Variants in WASHC5 observed in about 807,000 individuals in gnomAD.
WASHC5 encodes the protein WASH complex subunit strumpellin.
WASHC5 carries 101 observed loss-of-function variants against 150.4 expected under a neutral mutation model. The ratio of observed to expected loss-of-function variants is 0.67; its 90% CI spans 0.57 to 0.79. The LOEUF (loss-of-function observed/expected upper bound fraction) is 0.79. WASHC5 is among the 30% of genes least tolerant of loss of function. The pLI is 0.00. For synonymous variants in WASHC5, 467 were observed against 491.2 expected (o/e 0.95, Z 0.65); for missense variants, 1,195 against 1,396.3 (o/e 0.86, Z 2.30).
At chr8:125,036,429 T>C (rs1815708259) in intron 26 of WASHC5, among the ~76,000 whole-genome samples, 1 of 152,210 alleles carries the variant, frequency 6.6e-6, no homozygotes. Flanking sequence ...CTCAGCCCTT[T>C]AGTTGCCGAG....
At chr8:125,029,229 C>T (rs1815459583) in intron 27 of WASHC5, among the ~76,000 whole-genome samples, 1 of 152,210 alleles carries the variant, frequency 6.6e-6, no homozygotes, top group South Asian at 2.1e-4. Context: ...GACGGGGTTT[C>T]ACCATGTTGG....
chr8:125,074,966 T>G (rs986826753), intron 8 of WASHC5, 32 bp downstream of exon 8: 2 of 1,267,982 alleles, frequency 1.6e-6, no homozygotes, highest in Admixed American at 1.7e-5. Flanking sequence ...AGGCCTGCAG[T>G]TATCAGAGAA....
rs201948254 is a variant in WASHC5, at chr8:125,050,572, G to A, written c.2191C>T (p.Arg731Ter). The change falls in exon 18 of 29, where the codon CGA (arginine) becomes TGA (stop). Residue 731 changes from arginine (R) to a stop codon, truncating the protein, a stop_gained. Transcript: ENST00000318410. LOFTEE classifies it high-confidence loss of function. The stretch of plus-strand genomic sequence containing the variant: ...CTCTGGTCACTGGGTACCTTGGCTC[G>A]AGGGTTGAATATCAGTCCCCTATGC... ...ALHRGLIFNP[R>*]AKPSELMPKL... 6.8e-6 allele frequency: 11 copies of A among 1,613,456 alleles called. No homozygotes were observed. The highest frequency in any genetic ancestry group is 9.3e-6 in the Non-Finnish European group (11 of 1,179,382).
At chr8:125,060,485 CAA>C (rs58207257) in intron 12 of WASHC5, among the ~76,000 whole-genome samples, 51 of 130,212 alleles carry the variant, frequency 3.9e-4, no homozygotes, top group Admixed American at 8.2e-4. Context: ...GATTCCGTCT[CAA>C]AAAAAAAAAA....
chr8:125,064,507 C>T (rs544173026), intron 10 of WASHC5, among the ~76,000 whole-genome samples: 1 of 151,914 alleles, frequency 6.6e-6, no homozygotes, highest in Non-Finnish European at 1.5e-5. Context: ...TAGGCATGAG[C>T]CACTGTACCG....
intron 1 of WASHC5, among the ~76,000 whole-genome samples, chr8:125,085,419 A>C (rs889369965): frequency 6.6e-6 from 1 of 152,212 alleles, no homozygotes; most frequent in African/African-American, 2.4e-5. Context: ...TGAAATCCAA[A>C]GGGCAGACAC....
chr8:125,067,392 T>C (rs1816773478), intron 10 of WASHC5, among the ~76,000 whole-genome samples, 200 bp downstream of exon 10: 1 of 152,164 alleles, frequency 6.6e-6, no homozygotes, highest in African/African-American at 2.4e-5. Flanking sequence ...CCTTTCCCCA[T>C]CACTGTATCC....
In WASHC5 at chr8:125,055,654, A is replaced by T; in HGVS notation, c.2034T>A (p.His678Gln). Residue 678 changes from histidine (H) to glutamine (Q), a missense_variant, in exon 17 of 29, where the codon CAT (histidine) becomes CAA (glutamine). His to Gln is a conservative substitution (Grantham distance 24, BLOSUM62 0). Around this residue, in one of 3 missense-constraint regions of WASHC5, gnomAD observed 997 missense variants for 1,168.1 expected, o/e 0.85. Transcript: ENST00000318410. Reference protein sequence around the residue: ...GPRYEVAKLTHAISIFTEGIL... With the variant: ...GPRYEVAKLTQAISIFTEGIL... ...TGCCTTCAGTAAAAATGGAAATAGCATGAGTAAGCTTGGCAACCTATAACA... is the reference window on the plus strand; with the variant it reads ...TGCCTTCAGTAAAAATGGAAATAGCTTGAGTAAGCTTGGCAACCTATAACA... The T allele has an allele frequency of 6.2e-7, 1 of 1,610,870 alleles. No individual in the cohort carries two copies. The highest frequency in any genetic ancestry group is 8.5e-7 in the Non-Finnish European group (1 of 1,177,022).
chr8:125,047,200 C>T lies in WASHC5; in HGVS notation c.2504+7G>A. ...TTCAGGGCTCTGTAGAATTCAGGTA[C>T]ACCTACTTTGGGTCTGTGATCCGCA... is the stretch of plus-strand genomic sequence containing the variant. On this transcript the variant is annotated splice_region_variant and intron_variant, in intron 20 of 28. Coordinates refer to ENST00000318410, the MANE Select transcript of WASHC5 (RefSeq NM_014846.4). 6.2e-7 allele frequency: 1 copy of T among 1,613,922 alleles called. No individual in the cohort carries two copies. Among genetic ancestry groups the T allele is most frequent in the Non-Finnish European group, 8.5e-7 (1 of 1,179,854 alleles).
chr8:125,078,402 G>T (rs1424370630), intron 6 of WASHC5, among the ~76,000 whole-genome samples: 1 of 152,192 alleles, frequency 6.6e-6, no homozygotes, highest in African/African-American at 2.4e-5. Flanking sequence ...AGTAGGGGCA[G>T]GGACATGGCC....
At chr8:125,086,183 T>C (rs954973317) in intron 1 of WASHC5, among the ~76,000 whole-genome samples, 3 of 152,176 alleles carry the variant, frequency 2.0e-5, no homozygotes, top group Non-Finnish European at 4.4e-5. Context: ...ATTTATTTTG[T>C]CACAATTCTG....
At chr8:125,055,149 C>T (rs1428650607) in intron 17 of WASHC5, among the ~76,000 whole-genome samples, 2 of 152,182 alleles carry the variant, frequency 1.3e-5, no homozygotes, top group Admixed American at 6.5e-5. Context: ...ACGGGCTGGG[C>T]ACCGTGGCTC....
chr8:125,087,032 C>T (rs535490724), intron 1 of WASHC5, among the ~76,000 whole-genome samples: 54 of 152,288 alleles, frequency 3.5e-4, no homozygotes, highest in African/African-American at 1.2e-3. Context: ...TTCCCAATTC[C>T]TAATGCACAG....
At chr8:125,043,713 G>T in intron 23 of WASHC5, 112 bp downstream of exon 23, 1 of 738,990 alleles carries the variant, frequency 1.4e-6, no homozygotes, top group South Asian at 1.6e-5. Flanking sequence ...AAATATTTTT[G>T]ATTTAATGAC....
intron 19 of WASHC5, among the ~76,000 whole-genome samples, chr8:125,048,499 T>C (rs1816142152): frequency 6.6e-6 from 1 of 152,246 alleles, no homozygotes; most frequent in African/African-American, 2.4e-5. Context: ...GATACCTTCA[T>C]GTGCACTAGG....
chr8:125,058,678 G>C (rs915804924), intron 14 of WASHC5, among the ~76,000 whole-genome samples: 6 of 151,990 alleles, frequency 3.9e-5, no homozygotes, highest in African/African-American at 1.4e-4. Context: ...AACCCGGGAG[G>C]AGGAGCTGCA....
chr8:125,050,453 A>T, intron 18 of WASHC5, 111 bp downstream of exon 18: 1 of 665,308 alleles, frequency 1.5e-6, no homozygotes, highest in South Asian at 1.8e-5. Flanking sequence ...CATATTTGAT[A>T]TACGTTAGCT....
intron 11 of WASHC5, among the ~76,000 whole-genome samples, chr8:125,062,794 C>A (rs1038312961): frequency 6.6e-6 from 1 of 152,088 alleles, no homozygotes; most frequent in African/African-American, 2.4e-5. Flanking sequence ...AGAAATAGAT[C>A]TGATAGTTAA....
chr8:125,033,699 C>T (rs968285013), intron 26 of WASHC5, among the ~76,000 whole-genome samples: 1 of 152,002 alleles, frequency 6.6e-6, no homozygotes, highest in Non-Finnish European at 1.5e-5. Context: ...CAGGCGTGTG[C>T]CACCACGTCT....
Sources: gnomAD v4.1 joint callset for allele counts (sites outside exome capture counted in the v4.1 genomes callset) on GRCh38, gnomAD v4.1.1 for gene constraint, gnomAD v4.1.1 regional missense constraint, MANE v1.5 for transcripts, NCBI Gene and HGNC (gene_info 2026-07-23, HGNC 2026-07-21) for gene names.